LARP1: variants seen among roughly 807,000 people sequenced by gnomAD.
LARP1 encodes the protein La ribonucleoprotein 1, translational regulator, also known as la-related protein 1.
In LARP1, 36 loss-of-function variants were observed where a neutral mutation model predicts 122.7. The ratio of observed to expected loss-of-function variants is 0.29; its 90% CI spans 0.22 to 0.39. The LOEUF (loss-of-function observed/expected upper bound fraction) is 0.39. Ranked by LOEUF, LARP1 falls within the 10% of genes least tolerant of loss-of-function variation. The pLI, the probability that LARP1 is intolerant of heterozygous loss-of-function variation, is 1.00. For synonymous variants in LARP1, 539 were observed against 528.7 expected, an observed-to-expected ratio of 1.02 and a Z score of -0.27; for missense variants, 1,040 against 1,403.6, an observed-to-expected ratio of 0.74 and a Z score of 4.14.
In LARP1 at chr5:154,798,031, T is replaced by A. The variant is rs375430152; in HGVS notation, c.1378-1560T>A. Among the ~76,000 whole-genome samples the A allele has an allele frequency of 6.6e-5, 10 of 152,348 alleles. No individual in the cohort carries two copies. The East Asian group carries it at 1.7e-3, about 26-fold the overall frequency. ...CTACCACTGAAAACAGTTTTTCCAC[T>A]TATACAGTATCTTCAAGTCATTTGA... is the stretch of plus-strand genomic sequence containing the variant. On this transcript the variant is annotated intron_variant, in intron 8 of 18. Coordinates refer to ENST00000518297, the MANE Select transcript of LARP1 (RefSeq NM_033551.3).
intron 4 of LARP1, 64 bp downstream of exon 4, chr5:154,792,860 C>G: frequency 6.5e-7 from 1 of 1,528,940 alleles, no homozygotes; most frequent in Non-Finnish European, 8.9e-7. Context: ...TGTCAGGACT[C>G]CAGGGGACTG....
chr5:154,705,268 A>C (rs1305679970), intron 1 of LARP1, among the ~76,000 whole-genome samples: 3 of 152,252 alleles, frequency 2.0e-5, no homozygotes, highest in Non-Finnish European at 4.4e-5. Context: ...TACACCAGTC[A>C]GAATGGCTGT....
At chr5:154,705,669 CG>C (rs1754915229) in intron 1 of LARP1, 1 of 151,926 alleles carries the variant, frequency 6.6e-6, no homozygotes, top group African/African-American at 2.4e-5. Context: ...CCACAGCGCC[CG>C]GCCAAACTCC....
At chr5:154,725,038 A>T (rs1756115299) in intron 1 of LARP1, among the ~76,000 whole-genome samples, 1 of 152,116 alleles carries the variant, frequency 6.6e-6, no homozygotes, top group South Asian at 2.1e-4. Flanking sequence ...ATACTTTGGG[A>T]GGCTGAGGCC....
chr5:154,784,835 C>A (rs2113739075), intron 1 of LARP1, among the ~76,000 whole-genome samples: 1 of 152,284 alleles, frequency 6.6e-6, no homozygotes, highest in Non-Finnish European at 1.5e-5. Context: ...AGGTCGGCAG[C>A]CTTAGGATCT....
At chr5:154,732,220 G>A (rs1263507626) in intron 1 of LARP1, among the ~76,000 whole-genome samples, 1 of 148,674 alleles carries the variant, frequency 6.7e-6, no homozygotes, top group Non-Finnish European at 1.5e-5. Context: ...GGTGAATCTG[G>A]TGCAAACCAT....
intron 1 of LARP1, chr5:154,786,554 A>T (rs1756903643): frequency 2.2e-6 from 1 of 453,838 alleles, no homozygotes; most frequent in African/African-American, 2.0e-5. Flanking sequence ...ACCCTGCTAC[A>T]GTCTGGGCCT....
At chr5:154,693,480 TGA>T (rs1213904161) in intron 1 of LARP1, among the ~76,000 whole-genome samples, 27 of 152,090 alleles carry the variant, frequency 1.8e-4, no homozygotes, top group Admixed American at 3.3e-4. Flanking sequence ...TTTTAAGAGA[TGA>T]ATACATAGCT....
At chr5:154,735,299 A>G (rs1383350039) in intron 1 of LARP1, among the ~76,000 whole-genome samples, 1 of 152,104 alleles carries the variant, frequency 6.6e-6, no homozygotes, top group Non-Finnish European at 1.5e-5. Flanking sequence ...TACTAAAAAT[A>G]CAAACATTAG....
intron 1 of LARP1, among the ~76,000 whole-genome samples, chr5:154,723,469 C>T (rs1756009362): frequency 2.6e-5 from 4 of 152,110 alleles, no homozygotes; most frequent in Admixed American, 2.6e-4. Flanking sequence ...AGTTGGGAAG[C>T]ACTGTGTAAA....
At chr5:154,762,586 A>C (rs1166056848) in intron 1 of LARP1, among the ~76,000 whole-genome samples, 2 of 151,142 alleles carry the variant, frequency 1.3e-5, no homozygotes, top group Non-Finnish European at 2.9e-5. Context: ...TGGGGAGGGG[A>C]GGATTGTGGG....
intron 3 of LARP1, chr5:154,791,799 A>G (rs1038281857): frequency 2.8e-5 from 9 of 319,806 alleles, no homozygotes; most frequent in Non-Finnish European, 4.6e-5. Context: ...TTTGTTCTGC[A>G]TTCGGTTTTT....
chr5:154,754,963 G>A (rs1304988762), upstream of LARP1, among the ~76,000 whole-genome samples: 9 of 152,202 alleles, frequency 5.9e-5, no homozygotes, highest in South Asian at 1.7e-3. Context: ...GGCCCGGCAG[G>A]CCGCGTGGCC....
chr5:154,730,533 C>T (rs554474370), intron 1 of LARP1, among the ~76,000 whole-genome samples: 20 of 143,124 alleles, frequency 1.4e-4, no homozygotes, highest in African/African-American at 2.6e-4. Context: ...GGTGCAATGG[C>T]GCAATCTCGG....
At chr5:154,687,244 GA>G (rs1459854356) in intron 1 of LARP1, among the ~76,000 whole-genome samples, 3 of 151,806 alleles carry the variant, frequency 2.0e-5, no homozygotes, top group Non-Finnish European at 2.9e-5. Flanking sequence ...TGCAGCATTT[GA>G]AAAAAAATTG....
At chr5:154,696,618 A>G (rs536561786) in intron 1 of LARP1, among the ~76,000 whole-genome samples, 2 of 152,332 alleles carry the variant, frequency 1.3e-5, no homozygotes, top group East Asian at 3.9e-4. Flanking sequence ...CTGAGAAAAC[A>G]GGTACACAGA....
chr5:154,777,056 C>T (rs548612488), intron 1 of LARP1, among the ~76,000 whole-genome samples: 6 of 152,264 alleles, frequency 3.9e-5, no homozygotes, highest in East Asian at 3.9e-4. Context: ...CTAGAGTGTA[C>T]GTACACAAAC....
At chr5:154,757,240 T>TTC (rs900631080) in intron 1 of LARP1, 4 of 151,538 alleles carry the variant, frequency 2.6e-5, no homozygotes, top group Non-Finnish European at 5.9e-5. Flanking sequence ...GTCCTCCCTC[T>TTC]CCCTCCTCCG....
intron 15 of LARP1, among the ~76,000 whole-genome samples, chr5:154,807,730 T>C (rs1264488755): frequency 6.6e-6 from 1 of 152,146 alleles, no homozygotes; most frequent in Non-Finnish European, 1.5e-5. Context: ...ACTAAAAGTT[T>C]TCTGTAGAGA....
Sources: allele counts gnomAD v4.1 joint callset (sites outside exome capture counted in the v4.1 genomes callset), GRCh38; gene constraint gnomAD v4.1.1; transcripts MANE v1.5; gene names NCBI Gene and HGNC (gene_info 2026-07-23, HGNC 2026-07-21).